The following PHLDB3 variants were observed in gnomAD, a reference collection of about 807,000 sequenced individuals.
PHLDB3 encodes pleckstrin homology like domain family B member 3, also known as pleckstrin homology-like domain family B member 3.
In PHLDB3, 86 loss-of-function variants were observed where a neutral mutation model predicts 85.7. The ratio of observed to expected loss-of-function variants is 1.00; its 90% CI spans 0.84 to 1.20. The LOEUF (loss-of-function observed/expected upper bound fraction) is 1.20. Ranked by LOEUF, PHLDB3 falls within the 50% of genes most tolerant of loss-of-function variation. The pLI, the probability that PHLDB3 is intolerant of heterozygous loss-of-function variation, is 0.00. For missense variants in PHLDB3, 995 were observed against 873.0 expected, an observed-to-expected ratio of 1.14 and a Z score of -1.76; for synonymous variants, 376 against 349.8, an observed-to-expected ratio of 1.07 and a Z score of -0.83.
chr19:43,500,385 ATGTTC>A (rs1971559136), intron 4 of PHLDB3, among the ~76,000 whole-genome samples: 1 of 152,180 alleles, frequency 6.6e-6, no homozygotes, highest in South Asian at 2.1e-4. Flanking sequence ...AAACAGAGGC[ATGTTC>A]AAGGGCACCA....
At chr19:43,486,108 C>G (rs1971148670) in intron 13 of PHLDB3, 158 bp downstream of exon 13, 1 of 985,290 alleles carries the variant, frequency 1.0e-6, no homozygotes, top group Admixed American at 6.1e-5. Flanking sequence ...GTCATGGGAA[C>G]AGGAACTGGT....
rs201507471 is a variant in PHLDB3, at chr19:43,502,254, C to T, written c.243G>A (p.Ala81=). 4 of 1,564,248 alleles carry T rather than the reference C, an allele frequency of 2.6e-6. No individual in the cohort carries two copies. Among genetic ancestry groups the T allele is most frequent in the East Asian group, 4.7e-5 (2 of 42,168 alleles). ...APEATPPIAM[A]ATPPASTSSR... ...AAGAGGTGGATGCGGGAGGTGTGGCCGCCATAGCTATCGGAGGCGTAGCCT... is the reference window on the plus strand; with the variant it reads ...AAGAGGTGGATGCGGGAGGTGTGGCTGCCATAGCTATCGGAGGCGTAGCCT... The change falls in exon 3 of 16, where the codon GCG becomes GCA. Residue 81 remains alanine, a synonymous_variant. Coordinates refer to ENST00000292140, the MANE Select transcript of PHLDB3 (RefSeq NM_198850.4).
intron 13 of PHLDB3, among the ~76,000 whole-genome samples, chr19:43,483,496 C>T (rs1168220437): frequency 6.6e-6 from 1 of 152,190 alleles, no homozygotes; most frequent in Non-Finnish European, 1.5e-5. Flanking sequence ...CCAGGCTGTT[C>T]TCCAGCTCCG....
intron 9 of PHLDB3, among the ~76,000 whole-genome samples, chr19:43,489,774 A>C (rs2145919296): frequency 6.6e-6 from 1 of 152,184 alleles, no homozygotes; most frequent in African/African-American, 2.4e-5. Context: ...TGGAAGGCCG[A>C]GGCAGGCAGA....
Position 43,497,892 on chromosome 19 carries a change from G to A in PHLDB3, c.535-16C>T. 1.9e-6 allele frequency: 3 copies of A among 1,588,504 alleles called. No individual in the cohort carries two copies. The highest frequency in any genetic ancestry group is 2.6e-6 in the Non-Finnish European group (3 of 1,168,366). Reference sequence around the variant, plus strand: ...GCCTCTGTTCCTGAAAGAACAACAAGGTTCTCACCCTCAGCTTAAGCATAG... The same window carrying A: ...GCCTCTGTTCCTGAAAGAACAACAAAGTTCTCACCCTCAGCTTAAGCATAG... On this transcript the variant is annotated splice_polypyrimidine_tract_variant and intron_variant, in intron 4 of 15. Coordinates refer to ENST00000292140, the MANE Select transcript of PHLDB3 (RefSeq NM_198850.4).
chr19:43,500,920 A>C (rs2355993), intron 4 of PHLDB3, among the ~76,000 whole-genome samples: 7,655 of 18,320 alleles, frequency 0.42, 1,336 homozygotes, highest in East Asian at 0.58. Context: ...CCCCCCCCCC[A>C]CCCCGCAAGT....
In PHLDB3 at chr19:43,491,963, T is replaced by G. The variant is rs571188596; in HGVS notation, c.1149+2739A>C. Among the ~76,000 whole-genome samples the G allele has an allele frequency of 4.6e-4, 68 of 146,690 alleles. 1 individual carries two copies. The highest frequency in any genetic ancestry group is 2.6e-3 in the East Asian group (13 of 5,008). On this transcript the variant is annotated intron_variant, in intron 9 of 15. Transcript: ENST00000292140. Reference sequence around the variant, plus strand: ...CCTGGCCGTTTTTTTTTTTTTGTTTTTTTTTTTTTTGAGACAGAGTCTCGC... The same window carrying G: ...CCTGGCCGTTTTTTTTTTTTTGTTTGTTTTTTTTTTGAGACAGAGTCTCGC...
intron 2 of PHLDB3, among the ~76,000 whole-genome samples, chr19:43,502,582 G>C (rs2145958884): frequency 6.8e-6 from 1 of 146,420 alleles, no homozygotes; most frequent in African/African-American, 2.5e-5. Flanking sequence ...CTAGGTAGCT[G>C]TGACTACAGG....
chr19:43,486,681 A>G lies in PHLDB3; in HGVS notation c.1356T>C (p.His452=), dbSNP rs2145909407. The G allele has an allele frequency of 6.2e-7, 1 of 1,613,918 alleles. No homozygotes were observed. The highest frequency in any genetic ancestry group is 8.5e-7 in the Non-Finnish European group (1 of 1,179,856). ...GCCGCTCCATGTGGGCAATGTCTGG[A>G]TGGATGGCCCCACAGCTAGGAGGAG... ...CGRGNSCGAI[H]PDIAHMERLL... is the part of the protein sequence containing the mutation. Residue 452 remains histidine (H), a synonymous_variant, in exon 12 of 16, where the codon CAT becomes CAC. Coordinates refer to ENST00000292140, the MANE Select transcript of PHLDB3 (RefSeq NM_198850.4).
At position 43,497,245 on chromosome 19, in the gene PHLDB3, T is replaced by C. The variant is rs1369419783; in HGVS notation, c.698A>G (p.Tyr233Cys). The C allele has an allele frequency of 6.6e-7, 1 of 1,511,914 alleles. No individual in the cohort carries two copies. Among genetic ancestry groups the C allele is most frequent in the Admixed American group, 2.3e-5 (1 of 44,442 alleles). 93.7% of individuals were successfully genotyped at this position (1,511,914 alleles called of 1,614,324 possible). Residue 233 changes from tyrosine (Y) to cysteine (C), a missense_variant, in exon 6 of 16, where the codon TAT (tyrosine) becomes TGT (cysteine). Coordinates refer to ENST00000292140, the MANE Select transcript of PHLDB3 (RefSeq NM_198850.4). ...REQLDVAQRA[Y>C]EDLEFQQLER... ...CAGTTGCTGGAACTCCAGGTCCTCA[T>C]AGGCACGTTGGGCCACATCCAGTTG...
Position 43,502,215 on chromosome 19 carries a change from C to A in PHLDB3, c.282G>T (p.Val94=). 6.4e-7 allele frequency: 1 copy of A among 1,565,026 alleles called. No individual in the cohort carries two copies. The part of the protein sequence containing the change: ...PPASTSSREG[V]RGAARRLQGQ... ...CTTGCAGGCGCCGCGCCGCCCCTCGCACCCCTTCCCGCGAAGAGGTGGATG... is the reference window on the plus strand; with the variant it reads ...CTTGCAGGCGCCGCGCCGCCCCTCGAACCCCTTCCCGCGAAGAGGTGGATG... Residue 94 remains valine (V), a synonymous_variant, in exon 3 of 16, where the codon GTG becomes GTT. Coordinates refer to ENST00000292140, the MANE Select transcript of PHLDB3 (RefSeq NM_198850.4).
rs760708749 is a variant in PHLDB3 at position 43,487,574 on chromosome 19, C to CAAAAAAAAAAAAAAAAA, written c.1150-468_1150-452dup. 4.6e-3 allele frequency among the ~76,000 whole-genome samples: 178 copies of CAAAAAAAAAAAAAAAAA among 38,376 alleles called. 8 individuals carry two copies. The highest frequency in any genetic ancestry group is 0.012 in the Middle Eastern group (1 of 82). The allele number at this position is 38,376 out of a possible 152,430, so 25.2% of individuals were successfully genotyped here. A position where few individuals can be genotyped will look rare whatever the true frequency, so the allele number is the denominator to read the frequency against. ...TGGGCGACAGAGCAAGACTCTGTCT[C>CAAAAAAAAAAAAAAAAA]AAAAAAAAAAAAAAAAAACACAGAA... On this transcript the variant is annotated intron_variant, in intron 9 of 15. Transcript: ENST00000292140.
rs1970963964 is a variant in PHLDB3 at position 43,478,033 on chromosome 19, T to C, written c.1788+14A>G. The C allele has an allele frequency of 7.5e-6, 12 of 1,601,632 alleles. No homozygotes were observed. The highest frequency in any genetic ancestry group is 2.2e-5 in the East Asian group (1 of 44,766). Reference sequence around the variant, plus strand: ...CTCCAACTGGGAGGTCAGGGTGACATTGAGGGGCTTCACCTTGAAGGCACA... The same window carrying C: ...CTCCAACTGGGAGGTCAGGGTGACACTGAGGGGCTTCACCTTGAAGGCACA... On this transcript the variant is annotated intron_variant, in intron 15 of 15. Coordinates refer to ENST00000292140, the MANE Select transcript of PHLDB3 (RefSeq NM_198850.4).
Position 43,502,166 on chromosome 19 carries a change from G to C in PHLDB3, c.331C>G (p.Arg111Gly). 6.3e-7 allele frequency: 1 copy of C among 1,580,904 alleles called. No individual in the cohort carries two copies. Among genetic ancestry groups the C allele is most frequent in the Non-Finnish European group, 8.6e-7 (1 of 1,164,028 alleles). The change falls in exon 3 of 16, where the codon CGT becomes GGT. Residue 111 changes from arginine (R) to glycine (G), a missense_variant. By Grantham distance (125) the Arg-to-Gly change is moderately radical (BLOSUM62 -2). Transcript: ENST00000292140. ...ACTCGCTGCTCCATCAGGGCCACACGAGTCAATGCCTCCAGCTGCTGTCCT... is the reference window on the plus strand; with the variant it reads ...ACTCGCTGCTCCATCAGGGCCACACCAGTCAATGCCTCCAGCTGCTGTCCT... The part of the protein sequence containing the change: ...LQGQQLEALT[R>G]VALMEQRVKE...
chr19:43,479,228 T>G, intron 14 of PHLDB3, 149 bp downstream of exon 14: 1 of 748,174 alleles, frequency 1.3e-6, no homozygotes, highest in Non-Finnish European at 2.2e-6. Context: ...GACTCCTGGG[T>G]TGTAGGGAAG....
chr19:43,487,104 C>T lies in PHLDB3; in HGVS notation c.1169G>A (p.Arg390Lys), dbSNP rs747241270. The T allele has an allele frequency of 6.4e-7, 1 of 1,565,534 alleles. No individual in the cohort carries two copies. Among genetic ancestry groups the T allele is most frequent in the Admixed American group, 1.9e-5 (1 of 52,468 alleles). ...SSLQGSIGLQ[R>K]TGSLPRKRGE... is the part of the protein sequence containing the mutation. ...CCTTTTCCGGGGCAGGCTCCCAGTCCTCTGGAGGCCAATGGAGCCCTGAAA... is the reference window on the plus strand; with the variant it reads ...CCTTTTCCGGGGCAGGCTCCCAGTCTTCTGGAGGCCAATGGAGCCCTGAAA... Residue 390 changes from arginine (R) to lysine (K), a missense_variant, in exon 10 of 16, where the codon AGG becomes AAG. Transcript: ENST00000292140.
Position 43,497,131 on chromosome 19 carries a change from A to T in PHLDB3, c.812T>A (p.Met271Lys). The T allele has an allele frequency of 6.5e-7, 1 of 1,537,714 alleles. No individual in the cohort carries two copies. Among genetic ancestry groups the T allele is most frequent in the African/African-American group, 1.4e-5 (1 of 71,198 alleles). Residue 271 changes from methionine to lysine, a missense_variant, in exon 6 of 16, where the codon ATG becomes AAG. By Grantham distance (95) the Met-to-Lys change is moderately conservative. Transcript: ENST00000292140. Reference protein sequence around the residue: ...DPKVQELQASMAQHRRGALQH... With the variant: ...DPKVQELQASKAQHRRGALQH... ...GGCATGACTCACTCTGTGCTGCGCC[A>T]TGCTGGCCTGGAGTTCCTGGACCTT... is the stretch of plus-strand genomic sequence containing the variant.
chr19:43,490,508 G>A (rs924675933), intron 9 of PHLDB3, among the ~76,000 whole-genome samples: 7 of 151,840 alleles, frequency 4.6e-5, no homozygotes, highest in African/African-American at 7.3e-5. Flanking sequence ...AGCCAAGATC[G>A]CACCATTACA....
At position 43,500,909 on chromosome 19, in the gene PHLDB3, A is replaced by ACCCCCCCCCCCCCCCCCCCCCCCCCCC. The variant is rs1248570317; in HGVS notation, c.534+824_534+825insGGGGGGGGGGGGGGGGGGGGGGGGGGG. ...CCTCCCACTTTGCCCCGCCCCCCGTACCCCCCCCCCACCCCGCAAGTACTG... is the reference window on the plus strand; with the variant it reads ...CCTCCCACTTTGCCCCGCCCCCCGTACCCCCCCCCCCCCCCCCCCCCCCCCCCCCCCCCCCCCACCCCGCAAGTACTG... On this transcript the variant is annotated intron_variant, in intron 4 of 15. Coordinates refer to ENST00000292140, the MANE Select transcript of PHLDB3 (RefSeq NM_198850.4). 1.7e-4 allele frequency among the ~76,000 whole-genome samples: 3 copies of ACCCCCCCCCCCCCCCCCCCCCCCCCCC among 17,152 alleles called. 1 individual carries two copies. The highest frequency in any genetic ancestry group is 5.3e-4 in the African/African-American group (3 of 5,620). 11.3% of individuals were successfully genotyped at this position (17,152 alleles called of 152,430 possible).
Sources: allele counts gnomAD v4.1 joint callset (sites outside exome capture counted in the v4.1 genomes callset), GRCh38; gene constraint gnomAD v4.1.1; transcripts MANE v1.5; gene names NCBI Gene and HGNC (gene_info 2026-07-23, HGNC 2026-07-21).